NUDT5: variants seen among roughly 807,000 people sequenced by gnomAD.
The protein encoded by NUDT5 is nudix hydrolase 5, also known as ADP-sugar pyrophosphatase.
In NUDT5, 21 loss-of-function variants were observed where a neutral mutation model predicts 34.1. That is an observed-to-expected ratio of 0.62 (90% CI 0.44 to 0.89). The LOEUF is 0.89. Among genes scored for constraint, NUDT5 ranks in the 40% least tolerant of loss-of-function variants. The pLI is 0.00. For synonymous variants in NUDT5, 85 were observed against 97.6 expected, an observed-to-expected ratio of 0.87 and a Z score of 0.76; for missense variants, 249 against 274.8, an observed-to-expected ratio of 0.91 and a Z score of 0.66.
chr10:12,169,318 C>G lies in NUDT5; in HGVS notation c.550+1399G>C, dbSNP rs1452980374. 6.4e-7 allele frequency: 1 copy of G among 1,554,102 alleles called. No homozygotes were observed. Among genetic ancestry groups the G allele is most frequent in the African/African-American group, 1.4e-5 (1 of 73,606 alleles). ...GAAGACATTTTACAAAAAGGATACT[C>G]TTCTACTAAAAGATAACCCCGCACG... is the stretch of plus-strand genomic sequence containing the variant. On this transcript the variant is annotated intron_variant, in intron 9 of 9. Transcript: ENST00000491614. The surrounding 1 kb of genome is among the most constrained non-coding windows in gnomAD (Gnocchi z 4.8).
At chr10:12,183,264 A>G (rs1488576649) in intron 3 of NUDT5, among the ~76,000 whole-genome samples, 1 of 152,192 alleles carries the variant, frequency 6.6e-6, no homozygotes, top group Non-Finnish European at 1.5e-5. Context: ...TTAGTTTTCC[A>G]TATCAAACTC....
At chr10:12,176,227 T>C (rs1834948357) in intron 5 of NUDT5, among the ~76,000 whole-genome samples, 1 of 151,552 alleles carries the variant, frequency 6.6e-6, no homozygotes, top group South Asian at 2.1e-4. Flanking sequence ...AAAAAGGTAA[T>C]TAAATAGCCT....
chr10:12,173,132 A>G lies in NUDT5; in HGVS notation c.386-266T>C, dbSNP rs1013357856. On this transcript the variant is annotated intron_variant, in intron 6 of 9. Coordinates refer to ENST00000491614, the MANE Select transcript of NUDT5 (RefSeq NM_014142.4). This position sits in a 1 kb window ranked among gnomAD's most constrained non-coding sequence, Gnocchi z 4.7. ...AATCCCTTCACCACATCAAACTCAA[A>G]AAAATCTTCCAGTGATGAGGGTAGC... Among the ~76,000 whole-genome samples the G allele has an allele frequency of 1.3e-5, 2 of 152,224 alleles. No homozygotes were observed. Among genetic ancestry groups the G allele is most frequent in the Admixed American group, 1.3e-4 (2 of 15,276 alleles).
At chr10:12,194,025 C>T (rs1835284970) in intron 1 of NUDT5, among the ~76,000 whole-genome samples, 1 of 152,196 alleles carries the variant, frequency 6.6e-6, no homozygotes, top group Non-Finnish European at 1.5e-5. Flanking sequence ...TACAGGCATG[C>T]GCCAACACGC....
In NUDT5 at chr10:12,172,281, A is replaced by AT. The variant is rs541492956; in HGVS notation, c.487+483dup. Among the ~76,000 whole-genome samples, 1,240 of 146,150 alleles carry AT rather than the reference A, an allele frequency of 8.5e-3. 15 individuals are homozygous for AT. The highest frequency in any genetic ancestry group is 0.027 in the African/African-American group (1,097 of 40,048). On this transcript the variant is annotated intron_variant, in intron 7 of 9. Transcript: ENST00000491614. Reference sequence around the variant, plus strand: ...CTGCCCGTTAACAATTACTTAGGCCATTTTTTTTTTTTTAAGAGAGACATG... The same window carrying AT: ...CTGCCCGTTAACAATTACTTAGGCCATTTTTTTTTTTTTTAAGAGAGACATG...
chr10:12,184,597 C>T, intron 3 of NUDT5: 2 of 1,399,610 alleles, frequency 1.4e-6, no homozygotes, highest in South Asian at 2.6e-5. Context: ...ATTATTCTGT[C>T]ACCTTATCAG....
chr10:12,177,534 A>G (rs912716946), intron 5 of NUDT5, among the ~76,000 whole-genome samples: 1 of 152,038 alleles, frequency 6.6e-6, no homozygotes, highest in African/African-American at 2.4e-5. Context: ...ACAAAACAAA[A>G]ACAAACAAAA....
rs1835035593 is a variant in NUDT5 at position 12,181,177 on chromosome 10, T to TA, written c.132-2046dup. On this transcript the variant is annotated intron_variant, in intron 3 of 9. Coordinates refer to ENST00000491614, the MANE Select transcript of NUDT5 (RefSeq NM_014142.4). This position sits in a 1 kb window ranked among gnomAD's most constrained non-coding sequence, Gnocchi z 5.0. ...TTTCTTGCCATTATTCCCTAAACAA[T>TA]AGAGTACGACTGTTGACACAGCATT... 6.6e-6 allele frequency among the ~76,000 whole-genome samples: 1 copy of TA among 152,198 alleles called. No homozygotes were observed. The highest frequency in any genetic ancestry group is 1.5e-5 in the Non-Finnish European group (1 of 68,036).
Position 12,170,443 on chromosome 10 carries a change from A to G in NUDT5, c.550+274T>C. ...TTTAAAGTGTAGAATCGTTTTGGCT[A>G]CTCAGCAGGAATGTCATCTGGGCCA... is the stretch of plus-strand genomic sequence containing the variant. On this transcript the variant is annotated intron_variant, in intron 9 of 9. Coordinates refer to ENST00000491614, the MANE Select transcript of NUDT5 (RefSeq NM_014142.4). This position sits in a 1 kb window ranked among gnomAD's most constrained non-coding sequence, Gnocchi z 4.9. The G allele has an allele frequency of 1.6e-6, 1 of 614,512 alleles. No individual in the cohort carries two copies. The highest frequency in any genetic ancestry group is 2.0e-5 in the South Asian group (1 of 49,250). 38.1% of individuals were successfully genotyped at this position (614,512 alleles called of 1,614,324 possible). A position where few individuals can be genotyped will look rare whatever the true frequency, so the allele number is the denominator to read the frequency against.
intron 4 of NUDT5, among the ~76,000 whole-genome samples, chr10:12,178,700 G>A (rs1307834805): frequency 2.0e-5 from 3 of 152,200 alleles, no homozygotes; most frequent in Non-Finnish European, 4.4e-5. Flanking sequence ...AACCTGTAAA[G>A]CAAGTGGTCC....
At position 12,172,958 on chromosome 10, in the gene NUDT5, T is replaced by C. The variant is rs1220223408; in HGVS notation, c.386-92A>G. 16 of 922,616 alleles carry C rather than the reference T, an allele frequency of 1.7e-5. No individual in the cohort carries two copies. In the East Asian group the frequency reaches 2.5e-4, roughly 14 times the overall value. 57.2% of individuals were successfully genotyped at this position (922,616 alleles called of 1,614,324 possible). On this transcript the variant is annotated intron_variant, in intron 6 of 9. Transcript: ENST00000491614. Reference sequence around the variant, plus strand: ...AGAAGATGCGTCCCGCAGCTCAGCATTGACGTGGAGGTGATGCGGGAAAAC... The same window carrying C: ...AGAAGATGCGTCCCGCAGCTCAGCACTGACGTGGAGGTGATGCGGGAAAAC...
Position 12,181,692 on chromosome 10 carries a change from T to C in NUDT5, c.132-2560A>G, listed in dbSNP as rs932346204. Among the ~76,000 whole-genome samples the C allele has an allele frequency of 3.3e-5, 5 of 151,920 alleles. No individual in the cohort carries two copies. In the East Asian group the frequency reaches 9.6e-4, roughly 29 times the overall value. ...AGTCGCCGTGTGCGTGCAAAGGATA[T>C]ATCGGGCCGGGTGTGGTGGCTCACG... On this transcript the variant is annotated intron_variant, in intron 3 of 9. Coordinates refer to ENST00000491614, the MANE Select transcript of NUDT5 (RefSeq NM_014142.4). This position sits in a 1 kb window ranked among gnomAD's most constrained non-coding sequence, Gnocchi z 5.0.
rs763127956 is a variant in NUDT5 at position 12,179,084 on chromosome 10, A to G, written c.180T>C (p.Asp60=). Residue 60 remains aspartate, a splice_region_variant and synonymous_variant, in exon 4 of 10, where the codon GAT becomes GAC. Transcript: ENST00000491614. ...KRTTRKEQTA[D]GVAVIPVLQR... Reference sequence around the variant, plus strand: ...GTTGGAATAGGTTTGCACTCCTACCATCCGCAGTCTGCTCTTTCCTGGTTG... The same window carrying G: ...GTTGGAATAGGTTTGCACTCCTACCGTCCGCAGTCTGCTCTTTCCTGGTTG... 6.2e-7 allele frequency: 1 copy of G among 1,613,898 alleles called. No homozygotes were observed.
rs1835067856 is a variant in NUDT5 at position 12,182,909 on chromosome 10, G to A, written c.131+1980C>T. 6.6e-6 allele frequency among the ~76,000 whole-genome samples: 1 copy of A among 152,096 alleles called. No homozygotes were observed. The highest frequency in any genetic ancestry group is 1.5e-5 in the Non-Finnish European group (1 of 68,010). ...ATGCCACCACGCTGGGCTAATTTTT[G>A]TATTTTTAGTAGAGACGGGGTTTCA... On this transcript the variant is annotated intron_variant, in intron 3 of 9. Transcript: ENST00000491614. The surrounding 1 kb of genome is among the most constrained non-coding windows in gnomAD (Gnocchi z 4.3).
At position 12,166,339 on chromosome 10, in the gene NUDT5, A is replaced by G. The variant is rs564043247; in HGVS notation, c.*1363T>C. 1.3e-5 allele frequency: 2 copies of G among 154,688 alleles called. No homozygotes were observed. Among genetic ancestry groups the G allele is most frequent in the East Asian group, 3.8e-4 (2 of 5,240 alleles). 9.6% of individuals were successfully genotyped at this position (154,688 alleles called of 1,614,324 possible). A position where few individuals can be genotyped will look rare whatever the true frequency, so the allele number is the denominator to read the frequency against. ...GAGAATCACAATGCCTGTGATTGAAATCAGGATTTAAAAAAGGGTTAGAGG... is the reference window on the plus strand; with the variant it reads ...GAGAATCACAATGCCTGTGATTGAAGTCAGGATTTAAAAAAGGGTTAGAGG... On this transcript the variant is annotated 3_prime_UTR_variant, in exon 10 of 10. Coordinates refer to ENST00000491614, the MANE Select transcript of NUDT5 (RefSeq NM_014142.4).
rs1490051080 is a variant in NUDT5, at chr10:12,175,182, G to T, written c.290-1369C>A. 6.6e-6 allele frequency among the ~76,000 whole-genome samples: 1 copy of T among 152,116 alleles called. No homozygotes were observed. The highest frequency in any genetic ancestry group is 2.4e-5 in the African/African-American group (1 of 41,420). On this transcript the variant is annotated intron_variant, in intron 5 of 9. Transcript: ENST00000491614. The surrounding 1 kb of genome is among the most constrained non-coding windows in gnomAD (Gnocchi z 4.8). ...TAAAAATACAAAAAATTAGCCAGGTGTGGTGGTACGCACCTGTATTCCAGC... is the reference window on the plus strand; with the variant it reads ...TAAAAATACAAAAAATTAGCCAGGTTTGGTGGTACGCACCTGTATTCCAGC...
intron 9 of NUDT5, 57 bp from the exon 10 acceptor site, chr10:12,167,868 T>G (rs1834745168): frequency 6.2e-7 from 1 of 1,605,604 alleles, no homozygotes; most frequent in African/African-American, 1.3e-5. Flanking sequence ...ACAAAACATC[T>G]TATTCAATCA....
At position 12,168,026 on chromosome 10, in the gene NUDT5, G is replaced by GA; in HGVS notation, c.551-216dup. On this transcript the variant is annotated intron_variant, in intron 9 of 9. Transcript: ENST00000491614. This position sits in a 1 kb window ranked among gnomAD's most constrained non-coding sequence, Gnocchi z 4.8. ...ATGAGACAAGAACATCAGGGATAAT[G>GA]ATTTTTTTTTTTTTTGGTGAGACAG... 3.5e-6 allele frequency: 3 copies of GA among 861,208 alleles called. No homozygotes were observed. The highest frequency in any genetic ancestry group is 4.6e-6 in the Non-Finnish European group (3 of 649,298). The allele number at this position is 861,208 out of a possible 1,614,324, so 53.3% of individuals were successfully genotyped here.
At chr10:12,191,636 G>C (rs894348455) in intron 1 of NUDT5, among the ~76,000 whole-genome samples, 10 of 152,122 alleles carry the variant, frequency 6.6e-5, no homozygotes, top group Non-Finnish European at 1.2e-4. Context: ...CTATAGTCCC[G>C]GCTACTTGTG....
Sources: allele counts gnomAD v4.1 joint callset (sites outside exome capture counted in the v4.1 genomes callset), GRCh38; gene constraint gnomAD v4.1.1; non-coding constraint Gnocchi (gnomAD v3.1); transcripts MANE v1.5; gene names NCBI Gene and HGNC (gene_info 2026-07-23, HGNC 2026-07-21).